The following AHCTF1 variants were observed in gnomAD, a reference collection of about 807,000 sequenced individuals.
AHCTF1 encodes the protein AT-hook containing transcription factor 1, also known as protein ELYS.
AHCTF1 carries 24 observed loss-of-function variants against 248.4 expected under a neutral mutation model. The observed-to-expected ratio is 0.10, with a 90% CI of 0.07 to 0.14. The LOEUF (loss-of-function observed/expected upper bound fraction) is 0.14, where lower values mean the gene tolerates loss of function less well. Ranked by LOEUF, AHCTF1 falls within the 10% of genes least tolerant of loss-of-function variation. The pLI is 1.00. For synonymous variants in AHCTF1, 786 were observed against 929.8 expected (o/e 0.85, Z 2.81); for missense variants, 2,206 against 2,636.2 (o/e 0.84, Z 3.57).
intron 24 of AHCTF1, among the ~76,000 whole-genome samples, chr1:246,868,261 T>C (rs1662168905): frequency 6.6e-6 from 1 of 152,046 alleles, no homozygotes; most frequent in Non-Finnish European, 1.5e-5. Context: ...CCCGAGTAGC[T>C]GGGACTACAG....
chr1:246,882,990 A>G (rs1040850999), intron 21 of AHCTF1, among the ~76,000 whole-genome samples: 1 of 152,234 alleles, frequency 6.6e-6, no homozygotes, highest in Non-Finnish European at 1.5e-5. Context: ...TTTGAGTCCA[A>G]AGATTTTGCT....
intron 28 of AHCTF1, 89 bp from the exon 29 acceptor site, chr1:246,861,384 T>C (rs990232155): frequency 1.0e-4 from 123 of 1,210,694 alleles, no homozygotes; most frequent in Non-Finnish European, 1.4e-4. Flanking sequence ...ATACCCATAC[T>C]TTCTTTGTTG....
At chr1:246,859,389 T>C (rs1001072951) in intron 29 of AHCTF1, among the ~76,000 whole-genome samples, 3 of 152,164 alleles carry the variant, frequency 2.0e-5, no homozygotes, top group African/African-American at 4.8e-5. Flanking sequence ...CCTGGCCCTC[T>C]TGTTAACCAA....
At chr1:246,891,460 T>C (rs1664200867) in intron 15 of AHCTF1, among the ~76,000 whole-genome samples, 1 of 151,944 alleles carries the variant, frequency 6.6e-6, no homozygotes, top group Non-Finnish European at 1.5e-5. Flanking sequence ...GTTTTGAAAT[T>C]GCAAAACAGA....
At chr1:246,920,814 G>A (rs922635303) in intron 1 of AHCTF1, among the ~76,000 whole-genome samples, 1 of 151,730 alleles carries the variant, frequency 6.6e-6, no homozygotes, top group African/African-American at 2.4e-5. Flanking sequence ...ATCCAGGCAC[G>A]GTGCCTCACG....
Position 246,876,201 on chromosome 1 carries a change from A to G in AHCTF1, c.2938-14T>C. On this transcript the variant is annotated splice_polypyrimidine_tract_variant and intron_variant, in intron 23 of 35. Transcript: ENST00000648844. The stretch of plus-strand genomic sequence containing the variant: ...ATCACGATCATTCTATTAAACATCA[A>G]AATTGGTAAAAAATTTAACCTTCAA... 6.4e-7 allele frequency: 1 copy of G among 1,554,154 alleles called. No homozygotes were observed. The highest frequency in any genetic ancestry group is 8.7e-7 in the Non-Finnish European group (1 of 1,145,040).
At chr1:246,865,565 G>A (rs773921863) in intron 26 of AHCTF1, among the ~76,000 whole-genome samples, 4 of 152,132 alleles carry the variant, frequency 2.6e-5, no homozygotes, top group Non-Finnish European at 4.4e-5. Flanking sequence ...TCCAAACTTG[G>A]AAAACAGTTT....
At chr1:246,912,312 T>TAA (rs539206612) in intron 4 of AHCTF1, among the ~76,000 whole-genome samples, 13 of 141,734 alleles carry the variant, frequency 9.2e-5, no homozygotes, top group Non-Finnish European at 3.1e-5. Flanking sequence ...CCATCTCTAC[T>TAA]AAAAAAAAAA....
intron 6 of AHCTF1, 52 bp from the exon 7 acceptor site, chr1:246,904,085 C>A (rs757386569): frequency 6.9e-7 from 1 of 1,451,590 alleles, no homozygotes; most frequent in East Asian, 2.3e-5. Flanking sequence ...CATTAAACAT[C>A]TCTTACTGTC....
At chr1:246,857,636 A>G (rs1661198414) in intron 30 of AHCTF1, 55 bp downstream of exon 30, 3 of 1,536,968 alleles carry the variant, frequency 2.0e-6, no homozygotes, top group African/African-American at 1.4e-5. Flanking sequence ...CTTCTGGTTC[A>G]TAATTTCATT....
rs370475593 is a variant in AHCTF1 at position 246,850,614 on chromosome 1, G to C, written c.5392C>G (p.Gln1798Glu). ...GAATTTTGAGGTATTTGCTGGTTCTGAGATAGTCCTCTGACATCAGAATAG... is the reference window on the plus strand; with the variant it reads ...GAATTTTGAGGTATTTGCTGGTTCTCAGATAGTCCTCTGACATCAGAATAG... The part of the protein sequence containing the change: ...NIYSDVRGLS[Q>E]NQQIPQNSVT... Residue 1798 changes from glutamine (Q) to glutamate (E), a missense_variant, in exon 33 of 36, where the codon CAG (glutamine) becomes GAG (glutamate). Transcript: ENST00000648844. The C allele has an allele frequency of 1.4e-4, 220 of 1,613,584 alleles. 2 individuals are homozygous for C. The African/African-American group carries it at 2.6e-3, about 19-fold the overall frequency.
intron 33 of AHCTF1, among the ~76,000 whole-genome samples, chr1:246,849,096 TAC>T (rs1025527830): frequency 6.0e-4 from 92 of 152,286 alleles, no homozygotes; most frequent in African/African-American, 2.1e-3. Flanking sequence ...ACCAACCAAA[TAC>T]AGTCCTTAGC....
At chr1:246,877,854 T>C (rs1663088844) in intron 21 of AHCTF1, among the ~76,000 whole-genome samples, 1 of 152,104 alleles carries the variant, frequency 6.6e-6, no homozygotes, top group South Asian at 2.1e-4. Context: ...ATCATTTAAA[T>C]GAAGGAGTGT....
At chr1:246,865,092 A>T (rs1661871013) in intron 26 of AHCTF1, among the ~76,000 whole-genome samples, 1 of 152,196 alleles carries the variant, frequency 6.6e-6, no homozygotes, top group African/African-American at 2.4e-5. Context: ...TTTACAGATA[A>T]ATTTAAACTC....
In AHCTF1 at chr1:246,870,444, A is replaced by G. The variant is rs75319018; in HGVS notation, c.3089-2633T>C. On this transcript the variant is annotated intron_variant, in intron 24 of 35. Transcript: ENST00000648844. ...TCTCTTAAAAAAACAAAAACAGACTAAAGATGTGATGAATTGCTGTAATCT... is the reference window on the plus strand; with the variant it reads ...TCTCTTAAAAAAACAAAAACAGACTGAAGATGTGATGAATTGCTGTAATCT... 4.2e-3 allele frequency among the ~76,000 whole-genome samples: 642 copies of G among 152,264 alleles called. 4 individuals carry two copies. Among genetic ancestry groups the G allele is most frequent in the Non-Finnish European group, 7.4e-3 (505 of 68,012 alleles).
chr1:246,866,356 G>C (rs145124901), intron 26 of AHCTF1, among the ~76,000 whole-genome samples: 6 of 152,166 alleles, frequency 3.9e-5, no homozygotes, highest in Admixed American at 3.9e-4. Context: ...TAGAAAAAAA[G>C]AATGTCGGTA....
chr1:246,888,006 G>A (rs1266221450), intron 19 of AHCTF1, among the ~76,000 whole-genome samples, 171 bp downstream of exon 19: 1 of 152,156 alleles, frequency 6.6e-6, no homozygotes, highest in Non-Finnish European at 1.5e-5. Flanking sequence ...TATAGTTTTA[G>A]GTTGATCACA....
rs370593480 is a variant in AHCTF1, at chr1:246,895,822, A to T, written c.1714+13T>A. 1.3e-5 allele frequency: 20 copies of T among 1,587,770 alleles called. No individual in the cohort carries two copies. In the African/African-American group the frequency reaches 2.7e-4, roughly 21 times the overall value. On this transcript the variant is annotated intron_variant, in intron 13 of 35. Transcript: ENST00000648844. ...AAAAATACCAAACATTTTACTTGTT[A>T]TCAGAATCTTACCTTCTGTTATCCA...
chr1:246,862,917 A>G (rs1661679154), intron 27 of AHCTF1, among the ~76,000 whole-genome samples: 1 of 152,206 alleles, frequency 6.6e-6, no homozygotes, highest in Non-Finnish European at 1.5e-5. Flanking sequence ...TTTAGTAGAG[A>G]TAATTCCTTC....
Sources: gnomAD v4.1 joint callset for allele counts (sites outside exome capture counted in the v4.1 genomes callset) on GRCh38, gnomAD v4.1.1 for gene constraint, MANE v1.5 for transcripts, NCBI Gene and HGNC (gene_info 2026-07-23, HGNC 2026-07-21) for gene names.